Variants in SHOC2 observed in about 807,000 individuals in gnomAD.
SHOC2 encodes leucine-rich repeat protein SHOC-2.
In SHOC2, 4 loss-of-function variants were observed where a neutral mutation model predicts 50.2. The observed-to-expected ratio is 0.08, with a 90% confidence interval of 0.04 to 0.18. The LOEUF (loss-of-function observed/expected upper bound fraction) is 0.18. Ranked by LOEUF, SHOC2 falls within the 10% of genes least tolerant of loss-of-function variation. SHOC2 has a pLI of 1.00. For missense variants in SHOC2, 388 were observed against 669.6 expected (o/e 0.58, Z 4.64); for synonymous variants, 218 against 244.5 (o/e 0.89, Z 1.01).
chr10:110,943,464 A>G (rs528999479), intron 1 of SHOC2, among the ~76,000 whole-genome samples: 11 of 152,240 alleles, frequency 7.2e-5, no homozygotes, highest in Non-Finnish European at 1.5e-4. Context: ...TTGGTGAGAC[A>G]TTGTCCTTAT....
intron 3 of SHOC2, among the ~76,000 whole-genome samples, chr10:110,997,270 A>G (rs1848285172): frequency 6.6e-6 from 1 of 152,192 alleles, no homozygotes; most frequent in African/African-American, 2.4e-5. Flanking sequence ...AAGAAAAAGG[A>G]TAGTGGAAGG....
chr10:110,969,472 G>A (rs1454172242), intron 2 of SHOC2, among the ~76,000 whole-genome samples: 2 of 152,098 alleles, frequency 1.3e-5, no homozygotes, highest in Non-Finnish European at 2.9e-5. Context: ...TTTGTATAAC[G>A]AATCTATTTA....
At chr10:110,984,398 T>TATTA (rs1848040108) in intron 2 of SHOC2, among the ~76,000 whole-genome samples, 1 of 152,192 alleles carries the variant, frequency 6.6e-6, no homozygotes, top group South Asian at 2.1e-4. Flanking sequence ...TATTTTTGGA[T>TATTA]ATTAATCCAT....
chr10:110,969,831 T>G (rs961696177), intron 2 of SHOC2, among the ~76,000 whole-genome samples: 2 of 152,182 alleles, frequency 1.3e-5, no homozygotes, highest in Non-Finnish European at 2.9e-5. Flanking sequence ...AAGTATATGC[T>G]TTTTGAGAAC....
intron 2 of SHOC2, among the ~76,000 whole-genome samples, chr10:110,981,883 T>TATTTATTTATTTA (rs1847986424): frequency 1.0e-5 from 1 of 99,436 alleles, no homozygotes; most frequent in African/African-American, 5.1e-5. Context: ...TTTTTAAGTT[T>TATTTATTTATTTA]TAGGGTACAT....
intron 1 of SHOC2, among the ~76,000 whole-genome samples, chr10:110,920,549 C>T (rs1409701618): frequency 6.6e-6 from 1 of 152,130 alleles, no homozygotes; most frequent in African/African-American, 2.4e-5. Flanking sequence ...TTTCTTCCTT[C>T]CTTTCTTTAA....
chr10:110,979,006 A>G (rs1361920648), intron 2 of SHOC2, among the ~76,000 whole-genome samples: 2 of 152,200 alleles, frequency 1.3e-5, no homozygotes, highest in African/African-American at 4.8e-5. Flanking sequence ...TATAACAACA[A>G]TCATTTGTTA....
rs1846741363 is a variant in SHOC2 at position 110,925,139 on chromosome 10, A to G, written c.-235+5482A>G. ...AAATGTCTTTTCTCAGCATTTATGT[A>G]TCATGTTAAGAGTAACATTTATGAA... On this transcript the variant is annotated intron_variant, in intron 1 of 8. Transcript: ENST00000369452. 2.0e-5 allele frequency among the ~76,000 whole-genome samples: 3 copies of G among 151,086 alleles called. No individual in the cohort carries two copies. In the South Asian group the frequency reaches 6.2e-4, roughly 31 times the overall value.
chr10:110,939,827 A>G (rs1847101465), intron 1 of SHOC2, among the ~76,000 whole-genome samples: 1 of 152,332 alleles, frequency 6.6e-6, no homozygotes, highest in East Asian at 1.9e-4. Flanking sequence ...CCAGAGATGG[A>G]TGAGTCAGAT....
intron 1 of SHOC2, among the ~76,000 whole-genome samples, chr10:110,957,530 A>G (rs1847489333): frequency 7.0e-6 from 1 of 143,068 alleles, no homozygotes; most frequent in African/African-American, 2.7e-5. Context: ...AATCATGAAG[A>G]TACCCCCCCC....
intron 3 of SHOC2, among the ~76,000 whole-genome samples, chr10:110,990,491 G>A (rs898893969): frequency 2.0e-5 from 3 of 151,848 alleles, no homozygotes; most frequent in Admixed American, 2.0e-4. Context: ...TGGAGAACCT[G>A]TGTGTCGAAA....
chr10:110,925,392 T>C (rs1846748927), intron 1 of SHOC2, among the ~76,000 whole-genome samples: 1 of 152,128 alleles, frequency 6.6e-6, no homozygotes, highest in Non-Finnish European at 1.5e-5. Context: ...CACGCAGTAT[T>C]TTTTGGGTTT....
intron 1 of SHOC2, among the ~76,000 whole-genome samples, chr10:110,934,432 A>T (rs1188600059): frequency 6.6e-6 from 1 of 152,194 alleles, no homozygotes. Flanking sequence ...GAGAGTCTAG[A>T]ATTTACTATT....
At chr10:110,945,769 T>A (rs975929818) in intron 1 of SHOC2, among the ~76,000 whole-genome samples, 1 of 152,134 alleles carries the variant, frequency 6.6e-6, no homozygotes, top group Non-Finnish European at 1.5e-5. Context: ...TAACTGTTCA[T>A]GTTGCGCAGC....
At chr10:110,926,373 G>A (rs1846773202) in intron 1 of SHOC2, among the ~76,000 whole-genome samples, 1 of 152,106 alleles carries the variant, frequency 6.6e-6, no homozygotes, top group South Asian at 2.1e-4. Context: ...CCAAAGGAAG[G>A]ACAAAGACAT....
At chr10:110,991,552 C>A (rs1366679785) in intron 3 of SHOC2, among the ~76,000 whole-genome samples, 1 of 152,100 alleles carries the variant, frequency 6.6e-6, no homozygotes, top group Non-Finnish European at 1.5e-5. Flanking sequence ...GAGTAAATGG[C>A]AAAGTAAATT....
intron 1 of SHOC2, among the ~76,000 whole-genome samples, chr10:110,936,196 A>C (rs1847006764): frequency 6.7e-6 from 1 of 150,192 alleles, no homozygotes; most frequent in African/African-American, 2.5e-5. Context: ...TCCTGGGTTC[A>C]AGTGATTTTC....
At chr10:110,921,353 C>CAAATTAT (rs2134064067) in intron 1 of SHOC2, among the ~76,000 whole-genome samples, 1 of 152,150 alleles carries the variant, frequency 6.6e-6, no homozygotes, top group Admixed American at 6.5e-5. Context: ...ATTATAAATA[C>CAAATTAT]ACATTTGAAA....
intron 1 of SHOC2, among the ~76,000 whole-genome samples, chr10:110,963,907 C>T (rs1398618237): frequency 2.0e-5 from 3 of 152,128 alleles, no homozygotes; most frequent in East Asian, 1.9e-4. Flanking sequence ...AAGTAACTTA[C>T]ATTCATACAT....
Sources: allele counts gnomAD v4.1 joint callset (sites outside exome capture counted in the v4.1 genomes callset), GRCh38; gene constraint gnomAD v4.1.1; transcripts MANE v1.5; gene names NCBI Gene and HGNC (gene_info 2026-07-23, HGNC 2026-07-21).